The following ADGRB3 variants were observed in gnomAD, a reference collection of about 807,000 sequenced individuals.
ADGRB3 encodes brain-specific angiogenesis inhibitor 3.
A neutral mutation model predicts 193.4 loss-of-function variants in ADGRB3; 37 were observed. That is an observed-to-expected ratio of 0.19 (90% CI 0.15 to 0.25). ADGRB3 has a LOEUF of 0.25. ADGRB3 is among the 10% of genes least tolerant of loss of function. The probability of loss-of-function intolerance (pLI) is 1.00; values close to 1 mark genes in which losing one functional copy is unlikely to be tolerated. For missense variants in ADGRB3, 1,637 were observed against 1,852.9 expected, an observed-to-expected ratio of 0.88 and a Z score of 2.14; for synonymous variants, 690 against 644.2, an observed-to-expected ratio of 1.07 and a Z score of -1.08.
intron 3 of ADGRB3, among the ~76,000 whole-genome samples, chr6:68,780,893 T>C (rs1381060433): frequency 2.0e-5 from 3 of 152,116 alleles, no homozygotes; most frequent in Non-Finnish European, 2.9e-5. Context: ...ATGTAGCTTC[T>C]TAAAAAATGT....
At chr6:68,936,458 A>G in intron 4 of ADGRB3, 61 bp from the exon 5 acceptor site, 1 of 1,515,076 alleles carries the variant, frequency 6.6e-7, no homozygotes, top group Non-Finnish European at 9.0e-7. Context: ...AGTTTGGTAT[A>G]ATGCTTACTA....
At chr6:68,673,838 T>C (rs1288258837) in intron 3 of ADGRB3, among the ~76,000 whole-genome samples, 5 of 152,144 alleles carry the variant, frequency 3.3e-5, no homozygotes, top group Non-Finnish European at 5.9e-5. Context: ...ATTAAGATTG[T>C]CCTGGGACAA....
intron 17 of ADGRB3, among the ~76,000 whole-genome samples, chr6:69,166,182 A>G (rs1212639515): frequency 6.6e-6 from 1 of 152,092 alleles, no homozygotes; most frequent in Non-Finnish European, 1.5e-5. Flanking sequence ...TTTCTATGCA[A>G]TCTCAATACA....
intron 3 of ADGRB3, among the ~76,000 whole-genome samples, chr6:68,735,765 A>G (rs967486961): frequency 6.6e-6 from 1 of 152,124 alleles, no homozygotes; most frequent in Non-Finnish European, 1.5e-5. Flanking sequence ...AAAAGAACTC[A>G]AGATTGCATA....
chr6:68,713,030 T>G (rs2127317731), intron 3 of ADGRB3, among the ~76,000 whole-genome samples: 1 of 152,086 alleles, frequency 6.6e-6, no homozygotes, highest in South Asian at 2.1e-4. Context: ...CAGCAGAATA[T>G]TTAATGCTGC....
intron 17 of ADGRB3, among the ~76,000 whole-genome samples, chr6:69,112,626 A>G (rs936789551): frequency 1.1e-4 from 16 of 152,330 alleles, no homozygotes; most frequent in Non-Finnish European, 4.4e-5. Context: ...TGAGTTCCAC[A>G]TCCATTGATT....
intron 17 of ADGRB3, among the ~76,000 whole-genome samples, chr6:69,175,432 G>GTTTAATTGTT (rs1775394550): frequency 6.6e-6 from 1 of 152,066 alleles, no homozygotes; most frequent in African/African-American, 2.4e-5. Context: ...CAACTTTGTT[G>GTTTAATTGTT]TAAATCAGAT....
At chr6:69,141,740 A>G (rs1186864668) in intron 17 of ADGRB3, among the ~76,000 whole-genome samples, 1 of 152,158 alleles carries the variant, frequency 6.6e-6, no homozygotes, top group African/African-American at 2.4e-5. Context: ...AACTTTGTTA[A>G]CTGATGTCAT....
chr6:68,647,384 T>C (rs1273199902), intron 3 of ADGRB3, among the ~76,000 whole-genome samples: 1 of 152,184 alleles, frequency 6.6e-6, no homozygotes, highest in Non-Finnish European at 1.5e-5. Context: ...TACATTAATA[T>C]AAAATATTCT....
chr6:69,207,691 C>T (rs1330756202), intron 17 of ADGRB3, among the ~76,000 whole-genome samples: 2 of 152,190 alleles, frequency 1.3e-5, no homozygotes, highest in East Asian at 3.9e-4. Context: ...CTTCGAAAGG[C>T]CATTCCCCTT....
At chr6:68,653,969 T>G (rs1384637959) in intron 3 of ADGRB3, among the ~76,000 whole-genome samples, 1 of 152,010 alleles carries the variant, frequency 6.6e-6, no homozygotes, top group Admixed American at 6.6e-5. Flanking sequence ...AGGCTATAAT[T>G]TATAAATGTT....
At chr6:68,874,667 G>C (rs1765542297) in intron 3 of ADGRB3, among the ~76,000 whole-genome samples, 1 of 151,892 alleles carries the variant, frequency 6.6e-6, no homozygotes, top group African/African-American at 2.4e-5. Context: ...TATTTTAGTA[G>C]CTTAAACATA....
intron 17 of ADGRB3, among the ~76,000 whole-genome samples, chr6:69,132,743 G>A (rs1774045765): frequency 6.6e-6 from 1 of 152,050 alleles, no homozygotes; most frequent in African/African-American, 2.4e-5. Flanking sequence ...TTCTTCTAGG[G>A]TTTTTATGGT....
chr6:68,670,117 T>G (rs1356339802), intron 3 of ADGRB3, among the ~76,000 whole-genome samples: 1 of 152,066 alleles, frequency 6.6e-6, no homozygotes, highest in Non-Finnish European at 1.5e-5. Flanking sequence ...GATTGGGTTA[T>G]TGGATTTTTT....
intron 17 of ADGRB3, among the ~76,000 whole-genome samples, chr6:69,133,091 A>G (rs1476624309): frequency 6.6e-6 from 1 of 151,968 alleles, no homozygotes; most frequent in Admixed American, 6.6e-5. Flanking sequence ...TTTTCTTAGC[A>G]TTGTCTTAGC....
intron 3 of ADGRB3, among the ~76,000 whole-genome samples, chr6:68,679,062 C>A (rs1448590469): frequency 1.3e-5 from 2 of 152,034 alleles, no homozygotes; most frequent in African/African-American, 4.8e-5. Flanking sequence ...TAAATTATTT[C>A]TCTTTCAGAT....
At position 69,388,683 on chromosome 6, in the gene ADGRB3, T is replaced by C. The variant is rs758685015; in HGVS notation, c.4381-20T>C. On this transcript the variant is annotated intron_variant, in intron 31 of 31. Transcript: ENST00000370598. ...CCTGGTCATCACATAAATGACTCTC[T>C]TTCCCTCTCTTCTCAACAGGAAAAC... 1 of 1,605,390 alleles carries C rather than the reference T, an allele frequency of 6.2e-7. No individual in the cohort carries two copies. The highest frequency in any genetic ancestry group is 8.5e-7 in the Non-Finnish European group (1 of 1,175,484).
At position 68,868,910 on chromosome 6, in the gene ADGRB3, G is replaced by GTGTGTGTGTGT. The variant is rs372367034; in HGVS notation, c.758-61649_758-61648insTGTGTGTGTGT. ...TCTGGAAATAGGACTTCCAGATAAT[G>GTGTGTGTGTGT]ATGTGTGTGTGTGTGTGTGTGTGTG... On this transcript the variant is annotated intron_variant, in intron 3 of 31. Coordinates refer to ENST00000370598, the MANE Select transcript of ADGRB3 (RefSeq NM_001704.3). Among the ~76,000 whole-genome samples the GTGTGTGTGTGT allele has an allele frequency of 1.7e-4, 18 of 106,522 alleles. No individual in the cohort carries two copies. The East Asian group carries it at 1.7e-3, about 10-fold the overall frequency. 69.9% of individuals were successfully genotyped at this position (106,522 alleles called of 152,430 possible).
rs140076398 is a variant in ADGRB3, at chr6:69,357,042, G to T, written c.3595+1182G>T. Among the ~76,000 whole-genome samples, 13 of 152,032 alleles carry T rather than the reference G, an allele frequency of 8.6e-5. No homozygotes were observed. The East Asian group carries it at 2.5e-3, about 29-fold the overall frequency. ...ACTATCTTAAAGCAATTATCATTTA[G>T]CCCAATCCAAGTATTTTTTTCTTCA... On this transcript the variant is annotated intron_variant, in intron 28 of 31. Transcript: ENST00000370598.
Sources: allele counts gnomAD v4.1 joint callset (sites outside exome capture counted in the v4.1 genomes callset), GRCh38; gene constraint gnomAD v4.1.1; transcripts MANE v1.5; gene names NCBI Gene and HGNC (gene_info 2026-07-23, HGNC 2026-07-21).